Variants in GALM observed in about 807,000 individuals in gnomAD.
The protein encoded by GALM is aldose 1-epimerase.
A neutral mutation model predicts 37.4 loss-of-function variants in GALM; 43 were observed. The observed-to-expected ratio is 1.15, with a 90% CI of 0.90 to 1.48. GALM has a LOEUF of 1.48. GALM is among the 40% of genes most tolerant of loss of function. The pLI is 0.00. For missense variants in GALM, 456 were observed against 419.1 expected (o/e 1.09, Z -0.77); for synonymous variants, 199 against 170.6 (o/e 1.17, Z -1.30).
At chr2:38,685,266 G>A (rs1665492908) in intron 3 of GALM, among the ~76,000 whole-genome samples, 1 of 152,128 alleles carries the variant, frequency 6.6e-6, no homozygotes, top group South Asian at 2.1e-4. Flanking sequence ...AATGGAGCGG[G>A]GGTGGGTCCT....
intron 4 of GALM, among the ~76,000 whole-genome samples, chr2:38,705,902 A>G (rs1254718099): frequency 6.6e-6 from 1 of 151,430 alleles, no homozygotes; most frequent in Non-Finnish European, 1.5e-5. Flanking sequence ...CAGTGGCGCA[A>G]CCTCCCCCTC....
intron 4 of GALM, among the ~76,000 whole-genome samples, chr2:38,717,066 C>A (rs1343752112): frequency 6.6e-6 from 1 of 151,986 alleles, no homozygotes; most frequent in Non-Finnish European, 1.5e-5. Flanking sequence ...GCCTGACCAA[C>A]ATGGCAAAAC....
At chr2:38,704,090 G>C (rs1228817350) in intron 4 of GALM, among the ~76,000 whole-genome samples, 3 of 151,704 alleles carry the variant, frequency 2.0e-5, no homozygotes, top group Non-Finnish European at 4.4e-5. Context: ...AATCCTTTGT[G>C]AACTTGCTGC....
At chr2:38,733,181 A>G (rs1474351514) in intron 6 of GALM, among the ~76,000 whole-genome samples, 1 of 147,994 alleles carries the variant, frequency 6.8e-6, no homozygotes, top group Non-Finnish European at 1.5e-5. Context: ...AGATCGCCCC[A>G]CTGCACTCCA....
intron 4 of GALM, among the ~76,000 whole-genome samples, chr2:38,725,555 C>A (rs568525800): frequency 1.9e-4 from 28 of 150,778 alleles, no homozygotes; most frequent in South Asian, 1.3e-3. Context: ...CACATACACA[C>A]ACACACACAC....
chr2:38,723,545 T>C (rs1366508292), intron 4 of GALM, among the ~76,000 whole-genome samples: 4 of 152,098 alleles, frequency 2.6e-5, no homozygotes, highest in South Asian at 2.1e-4. Context: ...TCGTAGCACT[T>C]TGGGAAGCTG....
At chr2:38,732,010 C>A in intron 6 of GALM, 101 bp downstream of exon 6, 1 of 1,025,638 alleles carries the variant, frequency 9.8e-7, no homozygotes, top group South Asian at 1.6e-5. Context: ...TTCAAAAGTT[C>A]ATGCTTTGTT....
intron 3 of GALM, chr2:38,682,184 G>A (rs537370977): frequency 5.2e-6 from 2 of 388,094 alleles, no homozygotes; most frequent in Non-Finnish European, 1.1e-5. Context: ...GTGGTGTAGA[G>A]CTGCTGACAA....
At position 38,715,900 on chromosome 2, in the gene GALM, G is replaced by A. The variant is rs79043727; in HGVS notation, c.635-13656G>A. ...CAATAATGCTATGAGGTAGAGTCTC[G>A]TTATCCCCATTTTACAGATGAGGTA... On this transcript the variant is annotated intron_variant, in intron 4 of 6. Transcript: ENST00000272252. Among the ~76,000 whole-genome samples, 591 of 152,246 alleles carry A rather than the reference G, an allele frequency of 3.9e-3. 4 individuals carry two copies. Among genetic ancestry groups the A allele is most frequent in the Middle Eastern group, 0.014 (4 of 294 alleles).
intron 3 of GALM, among the ~76,000 whole-genome samples, chr2:38,689,446 T>A (rs1665619341): frequency 6.6e-6 from 1 of 152,198 alleles, no homozygotes; most frequent in Non-Finnish European, 1.5e-5. Context: ...AGGATGTGTG[T>A]GTTCCTGGTT....
chr2:38,688,817 T>G (rs1282121341), intron 3 of GALM, among the ~76,000 whole-genome samples: 1 of 152,044 alleles, frequency 6.6e-6, no homozygotes, highest in Non-Finnish European at 1.5e-5. Flanking sequence ...CCAAATTTAT[T>G]TTATTTTATT....
chr2:38,686,220 ATTTCTTTCTTTCTTTCTTTC>A (rs200050911), intron 3 of GALM, among the ~76,000 whole-genome samples: 2,703 of 93,598 alleles, frequency 0.029, 159 homozygotes, highest in South Asian at 0.11. Flanking sequence ...GAAAGTGGAA[ATTTCTTTCTTTCTTTCTTTC>A]TTTCTTTCTT....
At position 38,722,052 on chromosome 2, in the gene GALM, C is replaced by A. The variant is rs1238998465; in HGVS notation, c.635-7504C>A. Among the ~76,000 whole-genome samples, 965 of 121,626 alleles carry A rather than the reference C, an allele frequency of 7.9e-3. 10 individuals carry two copies. The highest frequency in any genetic ancestry group is 0.014 in the Non-Finnish European group (780 of 55,434). 79.8% of individuals were successfully genotyped at this position (121,626 alleles called of 152,430 possible). A position where few individuals can be genotyped will look rare whatever the true frequency, so the allele number is the denominator to read the frequency against. ...CCTTCCCCCCCCCACCCCCCCCCCC[C>A]ACCTAGAACAGAAGCGCATCATGCG... On this transcript the variant is annotated intron_variant, in intron 4 of 6. Coordinates refer to ENST00000272252, the MANE Select transcript of GALM (RefSeq NM_138801.3).
At chr2:38,729,514 C>G in intron 4 of GALM, 42 bp from the exon 5 acceptor site, 1 of 1,595,076 alleles carries the variant, frequency 6.3e-7, no homozygotes, top group Non-Finnish European at 8.6e-7. Context: ...AAAGATGAGA[C>G]TTGGGCATTT....
intron 4 of GALM, among the ~76,000 whole-genome samples, chr2:38,714,450 A>G (rs1235324124): frequency 1.3e-5 from 2 of 152,102 alleles, no homozygotes; most frequent in African/African-American, 2.4e-5. Context: ...CCTGACCTCA[A>G]GTGATCCGCC....
chr2:38,707,879 G>C (rs1467259778), intron 4 of GALM, among the ~76,000 whole-genome samples: 2 of 152,014 alleles, frequency 1.3e-5, no homozygotes, highest in African/African-American at 4.8e-5. Flanking sequence ...AGGCCGAGGT[G>C]GGTGGATCAC....
At chr2:38,718,768 C>T (rs1450059162) in intron 4 of GALM, among the ~76,000 whole-genome samples, 2 of 151,728 alleles carry the variant, frequency 1.3e-5, no homozygotes, top group Non-Finnish European at 2.9e-5. Context: ...AATGAATGAA[C>T]GTCAAGAGTC....
At chr2:38,667,478 G>A (rs1664976385) in intron 1 of GALM, among the ~76,000 whole-genome samples, 1 of 152,144 alleles carries the variant, frequency 6.6e-6, no homozygotes, top group African/African-American at 2.4e-5. Flanking sequence ...GCTGAGGCAG[G>A]AGAATAGCTT....
chr2:38,669,473 G>C (rs549575318), intron 1 of GALM: 1 of 152,254 alleles, frequency 6.6e-6, no homozygotes, highest in South Asian at 2.1e-4. Context: ...CTTTTGAGAC[G>C]CAAGTCTGCC....
Sources: gnomAD v4.1 joint callset for allele counts (sites outside exome capture counted in the v4.1 genomes callset) on GRCh38, gnomAD v4.1.1 for gene constraint, MANE v1.5 for transcripts, NCBI Gene and HGNC (gene_info 2026-07-23, HGNC 2026-07-21) for gene names.